PCDHA8: variants seen among roughly 807,000 people sequenced by gnomAD.
PCDHA8 encodes the protein protocadherin alpha 8, also known as protocadherin alpha-8.
A neutral mutation model predicts 61.8 loss-of-function variants in PCDHA8; 53 were observed. That is an observed-to-expected ratio of 0.86 (90% CI 0.69 to 1.08). The LOEUF (loss-of-function observed/expected upper bound fraction) is 1.08. Ranked by LOEUF, PCDHA8 falls within the 50% of genes least tolerant of loss-of-function variation. The pLI, the probability that PCDHA8 is intolerant of heterozygous loss-of-function variation, is 0.00. For synonymous variants in PCDHA8, 618 were observed against 556.6 expected, an observed-to-expected ratio of 1.11 and a Z score of -1.55; for missense variants, 1,293 against 1,245.0, an observed-to-expected ratio of 1.04 and a Z score of -0.58.
chr5:140,879,469 G>A (rs1438617682), intron 1 of PCDHA8, among the ~76,000 whole-genome samples: 2 of 152,166 alleles, frequency 1.3e-5, no homozygotes, highest in Non-Finnish European at 2.9e-5. Context: ...AGAGAATACC[G>A]TTGTGATTGG....
chr5:140,973,929 T>C (rs2096608226), intron 1 of PCDHA8, among the ~76,000 whole-genome samples: 1 of 152,216 alleles, frequency 6.6e-6, no homozygotes, highest in Non-Finnish European at 1.5e-5. Flanking sequence ...AACCCAGAGG[T>C]TTAGCTGAAT....
chr5:140,847,462 G>A (rs2150400776), intron 1 of PCDHA8: 2 of 149,808 alleles, frequency 1.3e-5, no homozygotes, highest in African/African-American at 2.4e-5. Context: ...TTAATTAATC[G>A]ACTTGGACGT....
At chr5:140,855,799 A>C (rs1356663466) in intron 1 of PCDHA8, 4 of 472,784 alleles carry the variant, frequency 8.5e-6, no homozygotes, top group Non-Finnish European at 1.5e-5. Context: ...TTAACATATG[A>C]ATGAAAGAAA....
At chr5:140,957,895 A>G (rs1169291586) in intron 1 of PCDHA8, among the ~76,000 whole-genome samples, 1 of 152,118 alleles carries the variant, frequency 6.6e-6, no homozygotes, top group African/African-American at 2.4e-5. Flanking sequence ...GTTGGCATCA[A>G]CCAAGGCATA....
intron 1 of PCDHA8, chr5:140,856,278 A>G (rs1428005980): frequency 4.4e-6 from 7 of 1,598,190 alleles, no homozygotes; most frequent in Non-Finnish European, 6.0e-6. Context: ...CTGGAGGTAA[A>G]TCTGCAGAAT....
intron 2 of PCDHA8, chr5:140,982,229 A>C (rs2096972091): frequency 3.2e-6 from 2 of 616,470 alleles, no homozygotes. Context: ...TTAATAAAAA[A>C]CAGAATTGCC....
chr5:140,946,387 T>C (rs1168775484), intron 1 of PCDHA8, among the ~76,000 whole-genome samples: 3 of 151,786 alleles, frequency 2.0e-5, no homozygotes, highest in African/African-American at 7.3e-5. Context: ...TTGGTAGGAA[T>C]GTAAATTAGT....
At chr5:141,008,582 G>A (rs1554261823) in intron 3 of PCDHA8, among the ~76,000 whole-genome samples, 1 of 152,130 alleles carries the variant, frequency 6.6e-6, no homozygotes. Context: ...CCAAGACTCA[G>A]GGCAGATTTC....
intron 1 of PCDHA8, chr5:140,852,101 T>C (rs1297369324): frequency 1.1e-6 from 1 of 909,228 alleles, no homozygotes; most frequent in Non-Finnish European, 1.3e-6. Context: ...TGTCAGATAT[T>C]TTACAAGGTA....
intron 1 of PCDHA8, among the ~76,000 whole-genome samples, chr5:140,888,038 T>C (rs1195921370): frequency 3.3e-5 from 5 of 152,238 alleles, no homozygotes; most frequent in Non-Finnish European, 7.3e-5. Context: ...TATTAGTACA[T>C]GTATAATAGA....
chr5:140,849,121 A>G (rs2150430770), intron 1 of PCDHA8: 7 of 1,407,396 alleles, frequency 5.0e-6, no homozygotes, highest in Non-Finnish European at 1.9e-6. Context: ...CCGGAGCTTC[A>G]TTTATTGCTC....
intron 1 of PCDHA8, chr5:140,884,726 T>A: frequency 6.9e-7 from 1 of 1,455,756 alleles, no homozygotes; most frequent in Non-Finnish European, 9.1e-7. Flanking sequence ...GTTGTTTGTT[T>A]AAGACATCTT....
At chr5:140,970,156 T>G (rs933887683) in intron 1 of PCDHA8, among the ~76,000 whole-genome samples, 1 of 152,188 alleles carries the variant, frequency 6.6e-6, no homozygotes, top group Non-Finnish European at 1.5e-5. Flanking sequence ...CTCCCAATAG[T>G]CACCTTTCTT....
intron 3 of PCDHA8, among the ~76,000 whole-genome samples, chr5:141,007,036 A>G (rs1018909399): frequency 4.6e-5 from 7 of 152,200 alleles, no homozygotes; most frequent in African/African-American, 1.4e-4. Context: ...ATTTATATCT[A>G]TGGATATGGC....
rs2150359498 is a variant in PCDHA8 at position 140,843,414 on chromosome 5, T to C, written c.2093T>C (p.Val698Ala). The C allele has an allele frequency of 2.5e-6, 4 of 1,596,080 alleles. No individual in the cohort carries two copies. Among genetic ancestry groups the C allele is most frequent in the Non-Finnish European group, 3.4e-6 (4 of 1,165,608 alleles). Residue 698 changes from valine to alanine, a missense_variant, in exon 1 of 4, where the codon GTG becomes GCG. Transcript: ENST00000531613. ...GPEAALVDVN[V>A]YLIIAICAVS... The stretch of plus-strand genomic sequence containing the variant: ...GAAGCGGCGCTGGTGGATGTCAACG[T>C]GTACCTGATCATCGCCATCTGCGCG...
intron 1 of PCDHA8, chr5:140,853,424 G>A (rs112620213): frequency 1.0e-6 from 1 of 985,928 alleles, no homozygotes; most frequent in African/African-American, 1.8e-5. Context: ...AAGCAGAAGA[G>A]ACACTTTCCT....
chr5:140,898,905 C>T (rs1313193763), intron 1 of PCDHA8, among the ~76,000 whole-genome samples: 5 of 152,060 alleles, frequency 3.3e-5, no homozygotes, highest in South Asian at 2.1e-4. Context: ...AGGTCCTTCA[C>T]GTCCCTTGTA....
intron 1 of PCDHA8, chr5:140,851,534 A>G: frequency 1.1e-6 from 1 of 902,820 alleles, no homozygotes; most frequent in Non-Finnish European, 1.4e-6. Flanking sequence ...CTGACAATGT[A>G]GATAATTCAA....
chr5:140,966,281 G>T, intron 1 of PCDHA8: 1 of 366,828 alleles, frequency 2.7e-6, no homozygotes, highest in Non-Finnish European at 4.8e-6. Context: ...TGGACAGTGG[G>T]GGTAGGGAGA....
Sources: allele counts gnomAD v4.1 joint callset (sites outside exome capture counted in the v4.1 genomes callset), GRCh38; gene constraint gnomAD v4.1.1; transcripts MANE v1.5; gene names NCBI Gene and HGNC (gene_info 2026-07-23, HGNC 2026-07-21).